Variants in MAML3 observed in about 807,000 individuals in gnomAD.
MAML3 encodes the protein mastermind-like protein 3.
In MAML3, 27 loss-of-function variants were observed where a neutral mutation model predicts 101.9. The ratio of observed to expected loss-of-function variants is 0.27; its 90% confidence interval spans 0.20 to 0.37. The LOEUF is 0.37. MAML3 is among the 10% of genes least tolerant of loss of function. MAML3 has a pLI of 1.00. For synonymous variants in MAML3, 501 were observed against 555.9 expected (o/e 0.90, Z 1.39); for missense variants, 1,316 against 1,444.9 (o/e 0.91, Z 1.45).
chr4:139,967,469 G>GACACACACACACACAC (rs4057112), intron 1 of MAML3, among the ~76,000 whole-genome samples: 28 of 141,558 alleles, frequency 2.0e-4, no homozygotes, highest in African/African-American at 5.0e-4. Flanking sequence ...CTTTTTAAGG[G>GACACACACACACACAC]ACACACACAC....
At chr4:139,891,542 T>C (rs1002974603) in intron 1 of MAML3, among the ~76,000 whole-genome samples, 1 of 152,186 alleles carries the variant, frequency 6.6e-6, no homozygotes, top group Non-Finnish European at 1.5e-5. Flanking sequence ...CCTTCCTAAG[T>C]GCTGGGATTA....
chr4:139,768,714 A>G (rs1267817351), intron 2 of MAML3, among the ~76,000 whole-genome samples: 2 of 152,216 alleles, frequency 1.3e-5, no homozygotes, highest in African/African-American at 4.8e-5. Context: ...CAGGGCAGAG[A>G]CCAGTCCTGC....
chr4:139,785,698 A>C lies in MAML3; in HGVS notation c.2080-55031T>G, dbSNP rs1730294376. ...TTTTTTTTTTCCTGTGATAAAACAG[A>C]TTTCCTGAATTTAAAATGCTACTGA... On this transcript the variant is annotated intron_variant, in intron 2 of 4. Transcript: ENST00000509479. This position sits in a 1 kb window ranked among gnomAD's most constrained non-coding sequence, Gnocchi z 4.3. 6.6e-6 allele frequency among the ~76,000 whole-genome samples: 1 copy of C among 151,818 alleles called. No individual in the cohort carries two copies. The highest frequency in any genetic ancestry group is 2.1e-4 in the South Asian group (1 of 4,816).
intron 1 of MAML3, among the ~76,000 whole-genome samples, chr4:139,945,549 CT>C (rs1733711550): frequency 6.6e-6 from 1 of 152,182 alleles, no homozygotes; most frequent in Non-Finnish European, 1.5e-5. Flanking sequence ...TTCCACAACA[CT>C]GTATTCTTTC....
chr4:140,139,385 T>G (rs1052008263), intron 1 of MAML3, among the ~76,000 whole-genome samples: 4 of 152,154 alleles, frequency 2.6e-5, no homozygotes, highest in Admixed American at 2.6e-4. Flanking sequence ...ACTCACTTTT[T>G]GAGTTATATT....
chr4:139,792,750 T>C (rs911673442), intron 2 of MAML3, among the ~76,000 whole-genome samples: 11 of 147,302 alleles, frequency 7.5e-5, no homozygotes, highest in African/African-American at 2.7e-4. Flanking sequence ...CTTTCTTTCT[T>C]TTTTTTTTTT....
chr4:140,091,540 AAACAAAAC>A (rs1308935207), intron 1 of MAML3, among the ~76,000 whole-genome samples: 8 of 139,514 alleles, frequency 5.7e-5, no homozygotes, highest in South Asian at 2.3e-4. Flanking sequence ...AACAAAACAA[AAACAAAAC>A]AAAAAAAAAA....
At chr4:140,024,789 C>T (rs1457136116) in intron 1 of MAML3, among the ~76,000 whole-genome samples, 1 of 152,192 alleles carries the variant, frequency 6.6e-6, no homozygotes, top group East Asian at 1.9e-4. Context: ...CTGACTTACA[C>T]TATGAAAAAC....
At chr4:139,728,935 G>A (rs1171857067) in intron 3 of MAML3, among the ~76,000 whole-genome samples, 2 of 152,094 alleles carry the variant, frequency 1.3e-5, no homozygotes, top group African/African-American at 4.8e-5. Flanking sequence ...AAAACATCAG[G>A]CACACCTGAG....
rs559468845 is a variant in MAML3, at chr4:139,888,460, C to T, written c.2079+897G>A. On this transcript the variant is annotated intron_variant, in intron 2 of 4. Coordinates refer to ENST00000509479, the MANE Select transcript of MAML3 (RefSeq NM_018717.5). ...TTCATCCATGTAGGGCAGGGGGAGT[C>T]GCTTTAATGGGCATTTCCCCACTCT... The T allele has an allele frequency of 1.7e-4, 83 of 497,826 alleles. 1 individual carries two copies. Among genetic ancestry groups the T allele is most frequent in the South Asian group, 4.4e-4 (30 of 68,086 alleles). The allele number at this position is 497,826 out of a possible 1,614,324, so 30.8% of individuals were successfully genotyped here.
At chr4:139,971,187 C>G (rs1461691515) in intron 1 of MAML3, among the ~76,000 whole-genome samples, 1 of 146,412 alleles carries the variant, frequency 6.8e-6, no homozygotes, top group Non-Finnish European at 1.5e-5. Context: ...GTTATCTCCT[C>G]TAATTACTAA....
intron 1 of MAML3, among the ~76,000 whole-genome samples, chr4:139,976,370 A>C (rs1734340158): frequency 6.6e-6 from 1 of 152,212 alleles, no homozygotes; most frequent in Non-Finnish European, 1.5e-5. Context: ...GAAATGGAAA[A>C]AGCAAGAGGG....
chr4:139,834,949 A>G (rs931942898), intron 2 of MAML3, among the ~76,000 whole-genome samples: 2 of 152,212 alleles, frequency 1.3e-5, no homozygotes, highest in African/African-American at 4.8e-5. Flanking sequence ...CAAAGGGAAA[A>G]GTAATCTTAA....
At chr4:139,939,501 C>G (rs542043678) in intron 1 of MAML3, among the ~76,000 whole-genome samples, 5 of 152,240 alleles carry the variant, frequency 3.3e-5, no homozygotes, top group South Asian at 4.1e-4. Context: ...CCCCACCTCC[C>G]CTGGTCAGCT....
chr4:140,146,888 C>A (rs12332041), intron 1 of MAML3, among the ~76,000 whole-genome samples: 14,066 of 152,034 alleles, frequency 0.093, 891 homozygotes, highest in East Asian at 0.26. Flanking sequence ...GTAATCCCAG[C>A]ACTTTGGGAG....
rs535294861 is a variant in MAML3, at chr4:140,068,605, C to T, written c.468+84255G>A. On this transcript the variant is annotated intron_variant, in intron 1 of 4. Coordinates refer to ENST00000509479, the MANE Select transcript of MAML3 (RefSeq NM_018717.5). Reference sequence around the variant, plus strand: ...ACGAATATGGATTTAAATCCTAACCCGGTCACTTCCAAGCTGGACTTTAAA... The same window carrying T: ...ACGAATATGGATTTAAATCCTAACCTGGTCACTTCCAAGCTGGACTTTAAA... Among the ~76,000 whole-genome samples the T allele has an allele frequency of 8.5e-5, 13 of 152,306 alleles. No individual in the cohort carries two copies. In the East Asian group the frequency reaches 2.3e-3, roughly 27 times the overall value.
At chr4:140,063,201 T>G (rs1263719555) in intron 1 of MAML3, among the ~76,000 whole-genome samples, 1 of 152,156 alleles carries the variant, frequency 6.6e-6, no homozygotes, top group Non-Finnish European at 1.5e-5. Flanking sequence ...CAATTTTACC[T>G]ATTTTTATTA....
At chr4:140,127,165 A>G (rs1728698000) in intron 1 of MAML3, among the ~76,000 whole-genome samples, 1 of 152,162 alleles carries the variant, frequency 6.6e-6, no homozygotes, top group African/African-American at 2.4e-5. Context: ...CTCTCTCACC[A>G]GCCTCTTCTT....
intron 1 of MAML3, among the ~76,000 whole-genome samples, chr4:140,127,848 G>A (rs1728708536): frequency 6.6e-6 from 1 of 152,060 alleles, no homozygotes; most frequent in South Asian, 2.1e-4. Flanking sequence ...TAACCTCCTG[G>A]ACCTTATTCA....
Sources: allele counts gnomAD v4.1 joint callset (sites outside exome capture counted in the v4.1 genomes callset), GRCh38; gene constraint gnomAD v4.1.1; non-coding constraint Gnocchi (gnomAD v3.1); transcripts MANE v1.5; gene names NCBI Gene and HGNC (gene_info 2026-07-23, HGNC 2026-07-21).